Variants in CAMK1D observed in about 807,000 individuals in gnomAD.
CAMK1D encodes calcium/calmodulin-dependent protein kinase type 1D.
CAMK1D carries 9 observed loss-of-function variants against 47.7 expected under a neutral mutation model. That is an observed-to-expected ratio of 0.19 (90% CI 0.11 to 0.33). The LOEUF (loss-of-function observed/expected upper bound fraction) is 0.33. Among genes scored for constraint, CAMK1D ranks in the 10% least tolerant of loss-of-function variants. The probability of loss-of-function intolerance (pLI) is 1.00; values close to 1 mark genes in which losing one functional copy is unlikely to be tolerated. For missense variants in CAMK1D, 291 were observed against 488.7 expected, an observed-to-expected ratio of 0.60 and a Z score of 3.81; for synonymous variants, 184 against 184.9, an observed-to-expected ratio of 0.99 and a Z score of 0.04.
In CAMK1D at chr10:12,814,310, A is replaced by T; in HGVS notation, c.754+3A>T. On this transcript the variant is annotated splice_donor_region_variant and intron_variant, in intron 7 of 10. Coordinates refer to ENST00000619168, the MANE Select transcript of CAMK1D (RefSeq NM_153498.4). Reference sequence around the variant, plus strand: ...CTGGGATGACATCTCCGACTCTGGTAGGTCTCCCATAGGCAGCTCCCAGTG... The same window carrying T: ...CTGGGATGACATCTCCGACTCTGGTTGGTCTCCCATAGGCAGCTCCCAGTG... 1 of 1,595,136 alleles carries T rather than the reference A, an allele frequency of 6.3e-7. No individual in the cohort carries two copies. The highest frequency in any genetic ancestry group is 8.6e-7 in the Non-Finnish European group (1 of 1,162,764).
At chr10:12,667,554 G>C (rs887480543) in intron 3 of CAMK1D, among the ~76,000 whole-genome samples, 6 of 152,332 alleles carry the variant, frequency 3.9e-5, no homozygotes, top group East Asian at 3.9e-4. Context: ...GCTACATTTA[G>C]TAGAATTAAC....
At chr10:12,645,412 C>T (rs1161466131) in intron 2 of CAMK1D, among the ~76,000 whole-genome samples, 6 of 152,184 alleles carry the variant, frequency 3.9e-5, no homozygotes, top group Non-Finnish European at 5.9e-5. Flanking sequence ...AACGTCAAAT[C>T]GGCTTAAGTG....
At chr10:12,622,495 C>G (rs1839029704) in intron 2 of CAMK1D, among the ~76,000 whole-genome samples, 1 of 151,990 alleles carries the variant, frequency 6.6e-6, no homozygotes, top group Admixed American at 6.6e-5. Flanking sequence ...ATCTCTCCAC[C>G]TGGCAGCATC....
intron 1 of CAMK1D, among the ~76,000 whole-genome samples, chr10:12,532,081 C>G (rs1410907496): frequency 6.6e-6 from 1 of 152,182 alleles, no homozygotes; most frequent in African/African-American, 2.4e-5. Flanking sequence ...ACAGCCCTCT[C>G]CCTGGGCAGG....
chr10:12,614,883 A>T (rs1383062187), intron 2 of CAMK1D, among the ~76,000 whole-genome samples: 1 of 152,212 alleles, frequency 6.6e-6, no homozygotes, highest in Non-Finnish European at 1.5e-5. Context: ...GCCGACATGG[A>T]GTAATCAGCC....
intron 1 of CAMK1D, among the ~76,000 whole-genome samples, chr10:12,378,814 CT>C (rs11291856): frequency 0.81 from 99,252 of 122,714 alleles, 40,489 homozygotes; most frequent in South Asian, 0.89. Context: ...TTTTTCTTTT[CT>C]TTTTTTTTTT....
intron 1 of CAMK1D, among the ~76,000 whole-genome samples, chr10:12,464,416 C>T (rs187688430): frequency 4.4e-4 from 67 of 152,314 alleles, no homozygotes; most frequent in African/African-American, 1.4e-3. Context: ...GGCTGATGCT[C>T]TCAGAAGGTG....
intron 1 of CAMK1D, among the ~76,000 whole-genome samples, chr10:12,454,060 C>T (rs1021711841): frequency 6.6e-6 from 1 of 152,162 alleles, no homozygotes; most frequent in African/African-American, 2.4e-5. Context: ...TTTATCGGTC[C>T]AGTTTTTCTT....
chr10:12,746,266 A>G (rs1835671052), intron 3 of CAMK1D, among the ~76,000 whole-genome samples: 1 of 149,964 alleles, frequency 6.7e-6, no homozygotes, highest in Non-Finnish European at 1.5e-5. Flanking sequence ...CGGGAGGCTG[A>G]GGCAGGAGAA....
chr10:12,459,716 T>G (rs1317947057), intron 1 of CAMK1D, among the ~76,000 whole-genome samples: 2 of 152,238 alleles, frequency 1.3e-5, no homozygotes, highest in Non-Finnish European at 2.9e-5. Context: ...CTGAATTCGA[T>G]GAAAGATTAA....
chr10:12,368,048 C>T (rs1019589668), intron 1 of CAMK1D, among the ~76,000 whole-genome samples: 1 of 152,052 alleles, frequency 6.6e-6, no homozygotes, highest in Non-Finnish European at 1.5e-5. Flanking sequence ...AAAAATTAGC[C>T]GGGCGCGGTG....
intron 1 of CAMK1D, among the ~76,000 whole-genome samples, chr10:12,540,825 TG>T (rs1836144163): frequency 6.6e-6 from 1 of 152,172 alleles, no homozygotes; most frequent in Non-Finnish European, 1.5e-5. Context: ...AGGATCTGTC[TG>T]TTCCTAAGCA....
At chr10:12,583,148 C>G (rs1013408289) in intron 2 of CAMK1D, among the ~76,000 whole-genome samples, 2 of 152,050 alleles carry the variant, frequency 1.3e-5, no homozygotes, top group Non-Finnish European at 2.9e-5. Flanking sequence ...GGAAGATTAT[C>G]TAGTATTGGA....
intron 1 of CAMK1D, among the ~76,000 whole-genome samples, chr10:12,403,999 A>C (rs903439301): frequency 2.0e-5 from 3 of 151,334 alleles, no homozygotes; most frequent in African/African-American, 7.2e-5. Flanking sequence ...AAAAAAAGAA[A>C]AAAGATAAAA....
chr10:12,615,842 G>T (rs1378324463), intron 2 of CAMK1D, among the ~76,000 whole-genome samples: 1 of 134,932 alleles, frequency 7.4e-6, no homozygotes, highest in Non-Finnish European at 1.6e-5. Flanking sequence ...GTTCGTGTGT[G>T]TATAGGTGTA....
chr10:12,532,208 T>G (rs1312261065), intron 1 of CAMK1D, among the ~76,000 whole-genome samples: 2 of 152,174 alleles, frequency 1.3e-5, no homozygotes, highest in Non-Finnish European at 2.9e-5. Flanking sequence ...AATTTGGTAC[T>G]TTGTCTCCAT....
In CAMK1D at chr10:12,829,107, T is replaced by C; in HGVS notation, c.*220T>C. On this transcript the variant is annotated 3_prime_UTR_variant, in exon 11 of 11. Transcript: ENST00000619168. ...CTCGAGGGGCGCTGATTTCATAGGATCTGGTGCTGTATATACGAATCTTGC... is the reference window on the plus strand; with the variant it reads ...CTCGAGGGGCGCTGATTTCATAGGACCTGGTGCTGTATATACGAATCTTGC... 1 of 508,190 alleles carries C rather than the reference T, an allele frequency of 2.0e-6. No individual in the cohort carries two copies. Among genetic ancestry groups the C allele is most frequent in the Non-Finnish European group, 3.5e-6 (1 of 287,352 alleles). The allele number at this position is 508,190 out of a possible 1,614,324, so 31.5% of individuals were successfully genotyped here.
chr10:12,702,799 G>A (rs1833577332), intron 3 of CAMK1D, among the ~76,000 whole-genome samples: 1 of 152,328 alleles, frequency 6.6e-6, no homozygotes, highest in African/African-American at 2.4e-5. Context: ...CACTGGGGAT[G>A]AGAGGGGCAC....
intron 2 of CAMK1D, among the ~76,000 whole-genome samples, chr10:12,599,117 G>C (rs11818444): frequency 0.015 from 2,261 of 152,196 alleles, 42 homozygotes; most frequent in Middle Eastern, 0.054. Flanking sequence ...CCAATAACTC[G>C]CATATAATGA....
Sources: allele counts gnomAD v4.1 joint callset (sites outside exome capture counted in the v4.1 genomes callset), GRCh38; gene constraint gnomAD v4.1.1; transcripts MANE v1.5; gene names NCBI Gene and HGNC (gene_info 2026-07-23, HGNC 2026-07-21).